Variants in ITGA1 observed in about 807,000 individuals in gnomAD.
The protein encoded by ITGA1 is integrin alpha-1.
A neutral mutation model predicts 145.9 loss-of-function variants in ITGA1; 85 were observed. The observed-to-expected ratio is 0.58, with a 90% CI of 0.49 to 0.70. The LOEUF (loss-of-function observed/expected upper bound fraction) is 0.70, where lower values mean the gene tolerates loss of function less well. Among genes scored for constraint, ITGA1 ranks in the 30% least tolerant of loss-of-function variants. The pLI, the probability that ITGA1 is intolerant of heterozygous loss-of-function variation, is 0.00. For synonymous variants in ITGA1, 520 were observed against 495.3 expected, an observed-to-expected ratio of 1.05 and a Z score of -0.66; for missense variants, 1,351 against 1,418.7, an observed-to-expected ratio of 0.95 and a Z score of 0.77.
At chr5:52,802,860 AC>A (rs1357764957) in intron 1 of ITGA1, 3 of 152,138 alleles carry the variant, frequency 2.0e-5, no homozygotes, top group Non-Finnish European at 4.4e-5. Context: ...AATACTCTTT[AC>A]TATCATTGAC....
chr5:52,821,347 A>G (rs1748876028), intron 1 of ITGA1, among the ~76,000 whole-genome samples: 2 of 152,184 alleles, frequency 1.3e-5, no homozygotes, highest in South Asian at 4.1e-4. Context: ...TCAAAAAAGT[A>G]TGTTTTTAGA....
intron 1 of ITGA1, chr5:52,801,330 T>C (rs1194468014): frequency 4.8e-5 from 62 of 1,294,958 alleles, no homozygotes; most frequent in Middle Eastern, 2.6e-4. Flanking sequence ...ACTAGCGCTT[T>C]TGGCTTTAAG....
At chr5:52,948,978 G>A (rs1249352093) in intron 28 of ITGA1, 1 of 152,138 alleles carries the variant, frequency 6.6e-6, no homozygotes, top group Non-Finnish European at 1.5e-5. Context: ...AAGCATAAAT[G>A]TAAAACTAAG....
At chr5:52,898,204 A>G in intron 10 of ITGA1, 35 bp from the exon 11 acceptor site, 1 of 1,342,482 alleles carries the variant, frequency 7.4e-7, no homozygotes, top group South Asian at 1.7e-5. Flanking sequence ...TATTATTTTT[A>G]TTAAATATTA....
chr5:52,922,907 A>G lies in ITGA1; in HGVS notation c.2403+20A>G, dbSNP rs1198437375. 8.2e-6 allele frequency: 11 copies of G among 1,343,732 alleles called. No homozygotes were observed. The highest frequency in any genetic ancestry group is 2.3e-5 in the East Asian group (1 of 43,588). The allele number at this position is 1,343,732 out of a possible 1,614,324, so 83.2% of individuals were successfully genotyped here. On this transcript the variant is annotated intron_variant, in intron 18 of 28. Coordinates refer to ENST00000282588, the MANE Select transcript of ITGA1 (RefSeq NM_181501.2). ...GAATATGTAAGTCAGATTTCTTTAA[A>G]ATACAAAATACCAACTTGTGAACAT...
chr5:52,829,610 T>C (rs1343424871), intron 1 of ITGA1, among the ~76,000 whole-genome samples: 1 of 152,158 alleles, frequency 6.6e-6, no homozygotes, highest in Non-Finnish European at 1.5e-5. Flanking sequence ...GATATTTATC[T>C]GTTGTGGGTT....
At chr5:52,911,715 T>TATACATATAGTGTATCTACTATATAC (rs1750544319) in intron 14 of ITGA1, among the ~76,000 whole-genome samples, 2 of 56,748 alleles carry the variant, frequency 3.5e-5, no homozygotes, top group Non-Finnish European at 9.0e-5. Context: ...CTACTATATA[T>TATACATATAGTGTATCTACTATATAC]ACTATACATA....
rs1187286295 is a variant in ITGA1, at chr5:52,956,373, A to G, written c.*3922A>G. ...TGACAAATCAGTTTTTCAAAATAGC[A>G]TCCTATGTACTTTTCATTTCTTCCA... On this transcript the variant is annotated 3_prime_UTR_variant, in exon 29 of 29. Coordinates refer to ENST00000282588, the MANE Select transcript of ITGA1 (RefSeq NM_181501.2). 1 of 152,204 alleles carries G rather than the reference A, an allele frequency of 6.6e-6. No individual in the cohort carries two copies. The highest frequency in any genetic ancestry group is 1.5e-5 in the Non-Finnish European group (1 of 68,042). The allele number at this position is 152,204 out of a possible 1,614,324, so 9.4% of individuals were successfully genotyped here. A position where few individuals can be genotyped will look rare whatever the true frequency, so the allele number is the denominator to read the frequency against.
chr5:52,952,483 T>C lies in ITGA1; in HGVS notation c.*32T>C. 1 of 1,024,144 alleles carries C rather than the reference T, an allele frequency of 9.8e-7. No homozygotes were observed. Among genetic ancestry groups the C allele is most frequent in the African/African-American group, 1.7e-5 (1 of 60,252 alleles). The allele number at this position is 1,024,144 out of a possible 1,614,324, so 63.4% of individuals were successfully genotyped here. On this transcript the variant is annotated 3_prime_UTR_variant, in exon 29 of 29. Transcript: ENST00000282588. ...TTATGAAAGAAAATAATAACAATTA[T>C]TCAATAATCTATCCTCAGGTTTGCC...
At chr5:52,912,905 C>A (rs1388516063) in intron 14 of ITGA1, among the ~76,000 whole-genome samples, 1 of 151,868 alleles carries the variant, frequency 6.6e-6, no homozygotes, top group Non-Finnish European at 1.5e-5. Flanking sequence ...CGCCACCACG[C>A]CCGGCTAATT....
At chr5:52,939,548 A>G in intron 24 of ITGA1, 42 bp from the exon 25 acceptor site, 1 of 1,312,318 alleles carries the variant, frequency 7.6e-7, no homozygotes, top group South Asian at 1.2e-5. Context: ...TTTTCCTCTG[A>G]TATCTGGCAT....
At chr5:52,809,129 T>C in intron 1 of ITGA1, among the ~76,000 whole-genome samples, 1 of 152,186 alleles carries the variant, frequency 6.6e-6, no homozygotes, top group Non-Finnish European at 1.5e-5. Context: ...TATTTCCCTA[T>C]AGGGAACTCT....
chr5:52,839,843 C>T (rs1005696018), intron 1 of ITGA1, among the ~76,000 whole-genome samples: 2 of 152,120 alleles, frequency 1.3e-5, no homozygotes, highest in Non-Finnish European at 2.9e-5. Flanking sequence ...AACTCACTGT[C>T]CCTAGGTGAA....
At chr5:52,856,565 G>A (rs1250174224) in intron 2 of ITGA1, among the ~76,000 whole-genome samples, 3 of 151,922 alleles carry the variant, frequency 2.0e-5, no homozygotes, top group South Asian at 2.1e-4. Context: ...ACAGACCTAC[G>A]TATGCCTTAT....
intron 14 of ITGA1, among the ~76,000 whole-genome samples, chr5:52,911,905 A>T (rs1401922514): frequency 9.0e-6 from 1 of 110,704 alleles, no homozygotes; most frequent in East Asian, 2.9e-4. Context: ...TCTAATATAT[A>T]GATATATATA....
At chr5:52,940,598 G>C (rs1751041508) in intron 26 of ITGA1, among the ~76,000 whole-genome samples, 1 of 151,712 alleles carries the variant, frequency 6.6e-6, no homozygotes, top group South Asian at 2.1e-4. Flanking sequence ...TTTTAGTAGA[G>C]ACTATGAAGA....
intron 1 of ITGA1, among the ~76,000 whole-genome samples, chr5:52,814,043 A>AGGATCT (rs1376536543): frequency 1.3e-5 from 2 of 152,196 alleles, no homozygotes; most frequent in Admixed American, 1.3e-4. Flanking sequence ...CTGGACTGGC[A>AGGATCT]GGACTCCAGA....
intron 8 of ITGA1, among the ~76,000 whole-genome samples, chr5:52,891,674 A>C: frequency 7.1e-6 from 1 of 141,380 alleles, no homozygotes; most frequent in South Asian, 2.4e-4. Context: ...TTTTAAAAAA[A>C]ATATTGAAGC....
chr5:52,805,877 T>A (rs1748581375), intron 1 of ITGA1, among the ~76,000 whole-genome samples: 1 of 152,162 alleles, frequency 6.6e-6, no homozygotes, highest in Non-Finnish European at 1.5e-5. Context: ...ATTTACATCT[T>A]TCTTAATGAT....
Sources: allele counts gnomAD v4.1 joint callset (sites outside exome capture counted in the v4.1 genomes callset), GRCh38; gene constraint gnomAD v4.1.1; transcripts MANE v1.5; gene names NCBI Gene and HGNC (gene_info 2026-07-23, HGNC 2026-07-21).